Variants in GRID1 observed in about 807,000 individuals in gnomAD.
The protein encoded by GRID1 is glutamate receptor ionotropic, delta-1.
In GRID1, 28 loss-of-function variants were observed where a neutral mutation model predicts 98.0. That is an observed-to-expected ratio of 0.29 (90% CI 0.21 to 0.39). The LOEUF (loss-of-function observed/expected upper bound fraction) is 0.39, where lower values mean the gene tolerates loss of function less well. Ranked by LOEUF, GRID1 falls within the 10% of genes least tolerant of loss-of-function variation. The probability of loss-of-function intolerance (pLI) is 1.00; values close to 1 mark genes in which losing one functional copy is unlikely to be tolerated. For missense variants in GRID1, 1,111 were observed against 1,340.5 expected (o/e 0.83, Z 2.67); for synonymous variants, 553 against 538.5 (o/e 1.03, Z -0.37).
chr10:86,119,791 G>GT (rs975350417), intron 4 of GRID1, among the ~76,000 whole-genome samples: 5 of 151,804 alleles, frequency 3.3e-5, no homozygotes, highest in African/African-American at 1.2e-4. Flanking sequence ...TTGTGTTTTT[G>GT]TTTTTTTGGG....
chr10:85,722,318 G>A (rs1841713112), intron 12 of GRID1, among the ~76,000 whole-genome samples: 1 of 152,166 alleles, frequency 6.6e-6, no homozygotes, highest in South Asian at 2.1e-4. Context: ...CCAATGAAGT[G>A]TACAACAGAT....
At chr10:85,990,038 C>A (rs1842661134) in intron 4 of GRID1, among the ~76,000 whole-genome samples, 1 of 152,178 alleles carries the variant, frequency 6.6e-6, no homozygotes, top group African/African-American at 2.4e-5. Flanking sequence ...AATCTGTCTG[C>A]ACTTGGATCT....
At chr10:85,902,985 G>A (rs1380579589) in intron 5 of GRID1, among the ~76,000 whole-genome samples, 2 of 152,052 alleles carry the variant, frequency 1.3e-5, no homozygotes, top group African/African-American at 4.8e-5. Context: ...GGCTTCACAT[G>A]CCCCAGAGGT....
At chr10:85,857,224 G>A (rs1286409122) in intron 6 of GRID1, among the ~76,000 whole-genome samples, 1 of 152,208 alleles carries the variant, frequency 6.6e-6, no homozygotes, top group Non-Finnish European at 1.5e-5. Context: ...TGTCTGATGT[G>A]AGCTCAGTGG....
chr10:85,662,798 AC>A (rs966717281), intron 12 of GRID1, among the ~76,000 whole-genome samples: 2 of 152,116 alleles, frequency 1.3e-5, no homozygotes, highest in African/African-American at 4.8e-5. Flanking sequence ...ATGAATTCTG[AC>A]CATGAAGCTG....
intron 8 of GRID1, among the ~76,000 whole-genome samples, chr10:85,845,009 A>C (rs1027483591): frequency 1.3e-5 from 2 of 151,968 alleles, no homozygotes; most frequent in African/African-American, 4.8e-5. Context: ...AATTATTATA[A>C]ATTATCTTCT....
At chr10:85,982,700 A>G (rs377576466) in intron 4 of GRID1, among the ~76,000 whole-genome samples, 8 of 152,300 alleles carry the variant, frequency 5.3e-5, no homozygotes, top group African/African-American at 1.9e-4. Context: ...AGCATAACAG[A>G]TAATGTATGC....
intron 2 of GRID1, among the ~76,000 whole-genome samples, chr10:86,288,431 T>C (rs1194016556): frequency 6.6e-6 from 1 of 152,218 alleles, no homozygotes; most frequent in Non-Finnish European, 1.5e-5. Context: ...TTCAGCTTAA[T>C]ATGCCTACAA....
At chr10:85,775,206 C>T (rs1300903367) in intron 8 of GRID1, among the ~76,000 whole-genome samples, 1 of 151,990 alleles carries the variant, frequency 6.6e-6, no homozygotes, top group Admixed American at 6.6e-5. Flanking sequence ...AATCATCATT[C>T]TCAGTAAACT....
At chr10:85,736,600 G>A (rs145939850) in intron 8 of GRID1, among the ~76,000 whole-genome samples, 113 of 152,290 alleles carry the variant, frequency 7.4e-4, no homozygotes, top group African/African-American at 2.7e-3. Flanking sequence ...GCCATAGTGG[G>A]TCTGTCATTA....
chr10:86,170,936 G>A (rs571420060), intron 3 of GRID1, among the ~76,000 whole-genome samples: 5 of 151,266 alleles, frequency 3.3e-5, no homozygotes, highest in African/African-American at 9.7e-5. Context: ...TACCCCCCAC[G>A]CTTCCTCCCC....
intron 8 of GRID1, among the ~76,000 whole-genome samples, chr10:85,810,206 G>A (rs1360163370): frequency 6.6e-6 from 1 of 151,064 alleles, no homozygotes. Flanking sequence ...CACTACTGGA[G>A]TGTGCTCTGC....
chr10:85,925,291 C>A (rs1395272906), intron 4 of GRID1, among the ~76,000 whole-genome samples: 2 of 152,234 alleles, frequency 1.3e-5, no homozygotes, highest in Non-Finnish European at 2.9e-5. Flanking sequence ...CCGATCTTGT[C>A]TCACAGAGGA....
At chr10:86,178,619 G>T (rs572457834) in intron 3 of GRID1, among the ~76,000 whole-genome samples, 1 of 151,242 alleles carries the variant, frequency 6.6e-6, no homozygotes, top group South Asian at 2.1e-4. Context: ...CATCCACCCC[G>T]GGGCGTTCTA....
At chr10:85,604,037 A>C (rs535410842) in intron 15 of GRID1, among the ~76,000 whole-genome samples, 2 of 152,302 alleles carry the variant, frequency 1.3e-5, no homozygotes, top group Admixed American at 1.3e-4. Context: ...CCACCCCCAG[A>C]AGTTCAACTG....
intron 2 of GRID1, among the ~76,000 whole-genome samples, chr10:86,272,107 G>T (rs576773957): frequency 6.6e-6 from 1 of 151,924 alleles, no homozygotes. Flanking sequence ...ACAAATAGAA[G>T]ACAATGGAGA....
intron 3 of GRID1, among the ~76,000 whole-genome samples, chr10:86,172,362 C>T: frequency 6.6e-6 from 1 of 152,170 alleles, no homozygotes; most frequent in Middle Eastern, 3.2e-3. Context: ...AAATAATACT[C>T]CATTGTGTGA....
chr10:86,247,544 A>G (rs1846751930), intron 2 of GRID1, among the ~76,000 whole-genome samples: 1 of 152,226 alleles, frequency 6.6e-6, no homozygotes. Flanking sequence ...AACCAGCCCC[A>G]TAACGGTGAA....
intron 4 of GRID1, among the ~76,000 whole-genome samples, chr10:86,105,735 G>T (rs1005342753): frequency 1.3e-5 from 2 of 152,190 alleles, no homozygotes; most frequent in Non-Finnish European, 2.9e-5. Flanking sequence ...GGAATCTAGG[G>T]GAGAGATTGA....
Sources: gnomAD v4.1 joint callset for allele counts (sites outside exome capture counted in the v4.1 genomes callset) on GRCh38, gnomAD v4.1.1 for gene constraint, MANE v1.5 for transcripts, NCBI Gene and HGNC (gene_info 2026-07-23, HGNC 2026-07-21) for gene names.